The following GRID2 variants were observed in gnomAD, a reference collection of about 807,000 sequenced individuals.
GRID2 encodes the protein glutamate receptor ionotropic, delta-2.
Under a neutral mutation model 114.8 loss-of-function variants are expected in GRID2, and 33 were observed. The ratio of observed to expected loss-of-function variants is 0.29; its 90% CI spans 0.22 to 0.38. The LOEUF is 0.38. GRID2 is among the 10% of genes least tolerant of loss of function. GRID2 has a pLI of 1.00. For synonymous variants in GRID2, 505 were observed against 449.9 expected (o/e 1.12, Z -1.55); for missense variants, 1,184 against 1,257.7 (o/e 0.94, Z 0.89).
chr4:93,463,843 G>T (rs1287726512), intron 11 of GRID2, among the ~76,000 whole-genome samples: 1 of 151,972 alleles, frequency 6.6e-6, no homozygotes, highest in East Asian at 1.9e-4. Context: ...CAAAAAATTA[G>T]CCAGGCGTGG....
chr4:93,655,806 A>G (rs1722945186), intron 14 of GRID2, among the ~76,000 whole-genome samples: 1 of 152,066 alleles, frequency 6.6e-6, no homozygotes, highest in African/African-American at 2.4e-5. Flanking sequence ...TTTGATGCAT[A>G]TTGATTCTTT....
intron 3 of GRID2, among the ~76,000 whole-genome samples, chr4:93,096,961 T>C (rs1246202881): frequency 6.6e-6 from 1 of 151,988 alleles, no homozygotes; most frequent in African/African-American, 2.4e-5. Context: ...TAGAATACTA[T>C]TGAGCAAAAT....
intron 8 of GRID2, among the ~76,000 whole-genome samples, chr4:93,358,897 G>C (rs183095848): frequency 1.4e-3 from 214 of 152,000 alleles, no homozygotes; most frequent in African/African-American, 4.8e-3. Context: ...GTTTTTATTG[G>C]CTGTATTTAA....
At chr4:93,295,839 G>A (rs145196031) in intron 8 of GRID2, among the ~76,000 whole-genome samples, 162 of 152,246 alleles carry the variant, frequency 1.1e-3, no homozygotes, top group Middle Eastern at 0.01. Context: ...ACATAAAACT[G>A]ACCATCACAC....
chr4:93,378,750 C>T (rs1481885183), intron 8 of GRID2, among the ~76,000 whole-genome samples: 1 of 152,016 alleles, frequency 6.6e-6, no homozygotes, highest in East Asian at 1.9e-4. Flanking sequence ...TTTTCTGAAT[C>T]TATGTCTTTA....
intron 8 of GRID2, among the ~76,000 whole-genome samples, chr4:93,277,360 A>G (rs1266387413): frequency 5.3e-5 from 8 of 152,088 alleles, no homozygotes; most frequent in African/African-American, 1.7e-4. Flanking sequence ...CGCATACTTT[A>G]TCTTTCCACT....
chr4:92,490,022 G>A (rs573897152), intron 1 of GRID2, among the ~76,000 whole-genome samples: 5 of 152,140 alleles, frequency 3.3e-5, no homozygotes, highest in South Asian at 4.2e-4. Flanking sequence ...TCAAAAGTAC[G>A]TTTCCTTAAA....
intron 13 of GRID2, among the ~76,000 whole-genome samples, chr4:93,520,244 A>C (rs576925983): frequency 1.3e-5 from 2 of 152,286 alleles, no homozygotes; most frequent in South Asian, 4.1e-4. Context: ...GAACAGGTAA[A>C]GTTCCTGCCT....
intron 1 of GRID2, among the ~76,000 whole-genome samples, chr4:92,513,904 A>G (rs1724374700): frequency 2.6e-5 from 4 of 152,040 alleles, no homozygotes; most frequent in Non-Finnish European, 5.9e-5. Context: ...CATAGCATAG[A>G]ACTTGGTTAC....
chr4:92,826,939 A>T (rs1001112788), intron 2 of GRID2, among the ~76,000 whole-genome samples: 6 of 152,036 alleles, frequency 3.9e-5, no homozygotes, highest in African/African-American at 1.4e-4. Context: ...GTTCATTGAG[A>T]AGAGTTCATT....
At chr4:93,090,815 G>A (rs1446855971) in intron 3 of GRID2, among the ~76,000 whole-genome samples, 1 of 152,100 alleles carries the variant, frequency 6.6e-6, no homozygotes, top group Non-Finnish European at 1.5e-5. Context: ...GGAAGGGTTA[G>A]GCCCAATTTC....
At chr4:92,858,775 T>C (rs1331526326) in intron 2 of GRID2, among the ~76,000 whole-genome samples, 1 of 152,166 alleles carries the variant, frequency 6.6e-6, no homozygotes, top group African/African-American at 2.4e-5. Flanking sequence ...GCCAGGATGG[T>C]CTCGATCTCC....
At chr4:93,612,147 T>A (rs926763052) in intron 13 of GRID2, among the ~76,000 whole-genome samples, 1 of 151,944 alleles carries the variant, frequency 6.6e-6, no homozygotes, top group Non-Finnish European at 1.5e-5. Context: ...TGCCTTTTTT[T>A]GTTTTCCATT....
chr4:92,372,789 A>G (rs533656062), intron 1 of GRID2, among the ~76,000 whole-genome samples: 1 of 152,264 alleles, frequency 6.6e-6, no homozygotes, highest in African/African-American at 2.4e-5. Flanking sequence ...GCCCATTTGT[A>G]CAAGAGAAAT....
chr4:92,509,397 C>T lies in GRID2; in HGVS notation c.89-80734C>T, dbSNP rs112818980. ...CTTAATCAGCAAACAACTATTGGCA[C>T]TATTCTCACTTTTTAAAAAATTATC... On this transcript the variant is annotated intron_variant, in intron 1 of 15. Transcript: ENST00000282020. Among the ~76,000 whole-genome samples, 656 of 151,956 alleles carry T rather than the reference C, an allele frequency of 4.3e-3. 2 individuals are homozygous for T. The highest frequency in any genetic ancestry group is 0.015 in the African/African-American group (637 of 41,492).
intron 2 of GRID2, among the ~76,000 whole-genome samples, chr4:93,034,736 G>GA (rs1466933787): frequency 3.3e-5 from 5 of 152,070 alleles, no homozygotes; most frequent in African/African-American, 7.2e-5. Flanking sequence ...TGTTTCAACA[G>GA]AAAAAAATCA....
At chr4:92,362,447 T>C (rs1016544043) in intron 1 of GRID2, among the ~76,000 whole-genome samples, 1 of 152,032 alleles carries the variant, frequency 6.6e-6, no homozygotes, top group African/African-American at 2.4e-5. Context: ...TCTAAAATTA[T>C]TTTGAAATAC....
At chr4:93,330,354 G>C (rs935014048) in intron 8 of GRID2, among the ~76,000 whole-genome samples, 2 of 152,140 alleles carry the variant, frequency 1.3e-5, no homozygotes, top group East Asian at 3.9e-4. Flanking sequence ...CTCTGCTTCA[G>C]ATCTGTCCAT....
chr4:93,241,481 G>A (rs1561031185), intron 8 of GRID2, among the ~76,000 whole-genome samples: 1 of 151,494 alleles, frequency 6.6e-6, no homozygotes, highest in East Asian at 1.9e-4. Context: ...TACGTTCCTG[G>A]GATATGCATA....
Sources: gnomAD v4.1 joint callset for allele counts (sites outside exome capture counted in the v4.1 genomes callset) on GRCh38, gnomAD v4.1.1 for gene constraint, MANE v1.5 for transcripts, NCBI Gene and HGNC (gene_info 2026-07-23, HGNC 2026-07-21) for gene names.